Variants in TBC1D1 observed in about 807,000 individuals in gnomAD.
TBC1D1 encodes the protein TBC1 domain family member 1, also known as TBC1 (tre-2/USP6, BUB2, cdc16) domain family, member 1.
TBC1D1 carries 89 observed loss-of-function variants against 125.6 expected under a neutral mutation model. The ratio of observed to expected loss-of-function variants is 0.71; its 90% CI spans 0.60 to 0.85. The LOEUF is 0.85. Ranked by LOEUF, TBC1D1 falls within the 40% of genes least tolerant of loss-of-function variation. The pLI is 0.00. For missense variants in TBC1D1, 1,377 were observed against 1,469.2 expected (o/e 0.94, Z 1.03); for synonymous variants, 565 against 564.1 (o/e 1.00, Z -0.02).
At chr4:38,121,195 G>A (rs1250448146) in intron 17 of TBC1D1, among the ~76,000 whole-genome samples, 2 of 152,202 alleles carry the variant, frequency 1.3e-5, no homozygotes, top group East Asian at 3.8e-4. Context: ...CTCATAGAAT[G>A]TAGCGGAGCC....
chr4:37,901,470 T>C (rs17606667), intron 1 of TBC1D1, among the ~76,000 whole-genome samples: 11,659 of 152,214 alleles, frequency 0.077, 605 homozygotes, highest in East Asian at 0.22. Context: ...CATTGATATC[T>C]GTTGATGAGA....
intron 13 of TBC1D1, among the ~76,000 whole-genome samples, chr4:38,093,205 CA>C (rs201450946): frequency 0.13 from 19,838 of 151,954 alleles, 1,798 homozygotes; most frequent in East Asian, 0.42. Context: ...TGAAATTGAT[CA>C]GGGGTTCAAG....
intron 1 of TBC1D1, among the ~76,000 whole-genome samples, chr4:37,892,668 C>A (rs1032387365): frequency 2.6e-5 from 4 of 152,250 alleles, no homozygotes; most frequent in Non-Finnish European, 5.9e-5. Flanking sequence ...TTTGCAAATG[C>A]GTCTCCTTGT....
chr4:38,082,632 T>C (rs576031741), intron 12 of TBC1D1, among the ~76,000 whole-genome samples: 1 of 152,308 alleles, frequency 6.6e-6, no homozygotes, highest in South Asian at 2.1e-4. Context: ...TGTCTACAGC[T>C]TTTTCTTGAT....
At chr4:38,051,968 T>A (rs1158932078) in intron 11 of TBC1D1, 1 of 1,550,632 alleles carries the variant, frequency 6.4e-7, no homozygotes, top group Non-Finnish European at 8.7e-7. Context: ...CTCCTCCACC[T>A]CGTCTTAACC....
At chr4:38,120,293 C>T (rs893466085) in intron 17 of TBC1D1, among the ~76,000 whole-genome samples, 3 of 152,206 alleles carry the variant, frequency 2.0e-5, no homozygotes, top group Non-Finnish European at 2.9e-5. Context: ...ATCTCAAGGC[C>T]GCACTGGCTT....
intron 2 of TBC1D1, chr4:37,952,671 A>G (rs1728139720): frequency 6.5e-6 from 1 of 153,642 alleles, no homozygotes; most frequent in Non-Finnish European, 1.4e-5. Context: ...AAAACAGCTA[A>G]TACATGCTAG....
chr4:38,038,008 T>C (rs1747553577), intron 8 of TBC1D1, among the ~76,000 whole-genome samples: 1 of 152,232 alleles, frequency 6.6e-6, no homozygotes, highest in African/African-American at 2.4e-5. Flanking sequence ...TTACTGAATG[T>C]TTGCCAAGTG....
chr4:38,101,007 A>T (rs76214767), intron 14 of TBC1D1, among the ~76,000 whole-genome samples: 2,613 of 152,202 alleles, frequency 0.017, 61 homozygotes, highest in African/African-American at 0.047. Context: ...AGGGCAAGGG[A>T]CCTGTTCTCA....
intron 11 of TBC1D1, 125 bp downstream of exon 13, chr4:38,053,350 C>T: frequency 1.2e-6 from 1 of 853,142 alleles, no homozygotes; most frequent in Non-Finnish European, 1.6e-6. Context: ...TCTGTTGTAT[C>T]TTCTTTCTTA....
In TBC1D1 at chr4:38,103,070, C is replaced by T. The variant is rs142187678; in HGVS notation, c.2470C>T (p.Pro824Ser). 1.2e-6 allele frequency: 2 copies of T among 1,614,146 alleles called. No homozygotes were observed. The highest frequency in any genetic ancestry group is 1.7e-5 in the Admixed American group (1 of 60,016). The change falls in exon 15 of 20, where the codon CCC becomes TCC. Residue 824 changes from proline to serine, a missense_variant. By Grantham distance (74) the Pro-to-Ser change is moderately conservative. Transcript: ENST00000261439. ...GCAATTCCACCTTAAACACCAGTTT[C>T]CCAGCAAACAGCAGCCAAAGGATGT...
chr4:38,094,430 T>TG (rs564381050), intron 13 of TBC1D1, among the ~76,000 whole-genome samples: 49 of 152,288 alleles, frequency 3.2e-4, no homozygotes, highest in Middle Eastern at 3.4e-3. Context: ...CATGGGTGTG[T>TG]GGGGGTCTTA....
chr4:38,047,944 T>G (rs991983020), intron 10 of TBC1D1, among the ~76,000 whole-genome samples: 2 of 152,220 alleles, frequency 1.3e-5, no homozygotes, highest in Middle Eastern at 3.4e-3. Context: ...TTTATTTTTC[T>G]CCAAAAGGCA....
At chr4:38,060,099 C>T (rs999949747) in intron 12 of TBC1D1, among the ~76,000 whole-genome samples, 1 of 152,142 alleles carries the variant, frequency 6.6e-6, no homozygotes, top group African/African-American at 2.4e-5. Context: ...TGTATATGTA[C>T]CACATTTTCT....
intron 1 of TBC1D1, among the ~76,000 whole-genome samples, chr4:37,893,126 C>T (rs371249774): frequency 1.3e-5 from 2 of 152,152 alleles, no homozygotes; most frequent in East Asian, 3.9e-4. Context: ...GAGCAGGCAC[C>T]ACAGCTGCCT....
intron 2 of TBC1D1, among the ~76,000 whole-genome samples, chr4:37,949,168 C>T (rs1379408208): frequency 6.6e-6 from 1 of 152,102 alleles, no homozygotes; most frequent in South Asian, 2.1e-4. Flanking sequence ...TCTGAGTAGA[C>T]GGCTATTTAT....
At chr4:38,111,952 A>G in intron 15 of TBC1D1, 1 of 985,448 alleles carries the variant, frequency 1.0e-6, no homozygotes, top group Non-Finnish European at 1.2e-6. Context: ...CTTGCTGTGC[A>G]GTGGGACAGG....
intron 1 of TBC1D1, among the ~76,000 whole-genome samples, chr4:37,901,341 G>C (rs1384950407): frequency 6.6e-6 from 1 of 151,900 alleles, no homozygotes; most frequent in African/African-American, 2.4e-5. Context: ...ATTTTTAGTA[G>C]AGACGGGGTT....
At chr4:38,037,010 C>G (rs1747344446) in intron 8 of TBC1D1, among the ~76,000 whole-genome samples, 1 of 152,112 alleles carries the variant, frequency 6.6e-6, no homozygotes. Context: ...TCTTGTGCCA[C>G]TGATAGCTTT....
Sources: allele counts gnomAD v4.1 joint callset (sites outside exome capture counted in the v4.1 genomes callset), GRCh38; gene constraint gnomAD v4.1.1; transcripts MANE v1.5; gene names NCBI Gene and HGNC (gene_info 2026-07-23, HGNC 2026-07-21).